Variants in RABGEF1 observed in about 807,000 individuals in gnomAD.
The protein encoded by RABGEF1 is RAB guanine nucleotide exchange factor 1.
Under a neutral mutation model 57.3 loss-of-function variants are expected in RABGEF1, and 26 were observed. The ratio of observed to expected loss-of-function variants is 0.45; its 90% CI spans 0.33 to 0.63. RABGEF1 has a LOEUF of 0.63. Among genes scored for constraint, RABGEF1 ranks in the 20% least tolerant of loss-of-function variants. The probability of loss-of-function intolerance (pLI) is 0.02; values close to 1 mark genes in which losing one functional copy is unlikely to be tolerated. For missense variants in RABGEF1, 464 were observed against 607.6 expected (o/e 0.76, Z 2.48); for synonymous variants, 185 against 210.7 (o/e 0.88, Z 1.06).
chr7:66,745,969 A>C (rs985689215), intron 1 of RABGEF1, among the ~76,000 whole-genome samples: 2 of 152,090 alleles, frequency 1.3e-5, no homozygotes, highest in Non-Finnish European at 2.9e-5. Flanking sequence ...CTATAAAAAG[A>C]AGTTTCATAG....
At position 66,805,351 on chromosome 7, in the gene RABGEF1, A is replaced by G; in HGVS notation, c.1032A>G (p.Pro344=). 2 of 1,614,182 alleles carry G rather than the reference A, an allele frequency of 1.2e-6. No individual in the cohort carries two copies. Among genetic ancestry groups the G allele is most frequent in the Non-Finnish European group, 1.7e-6 (2 of 1,180,032 alleles). The change falls in exon 8 of 9, where the codon CCA becomes CCG. Residue 344 remains proline, a synonymous_variant. Transcript: ENST00000284957. ...NIQYITRFCN[P]SRLMTGEDGY... is the part of the protein sequence containing the mutation. Reference sequence around the variant, plus strand: ...AGTATATCACGCGCTTCTGCAATCCAAGCCGACTGATGACTGGAGAGGATG... The same window carrying G: ...AGTATATCACGCGCTTCTGCAATCCGAGCCGACTGATGACTGGAGAGGATG...
chr7:66,753,711 T>TTTG (rs1802006449), intron 1 of RABGEF1, among the ~76,000 whole-genome samples: 1 of 142,648 alleles, frequency 7.0e-6, no homozygotes, highest in African/African-American at 2.6e-5. Flanking sequence ...GTTTTTTTTT[T>TTTG]TTTTTTTTTT....
chr7:66,783,011 G>A lies in RABGEF1; in HGVS notation c.347-664G>A, dbSNP rs1436743296. 2.6e-5 allele frequency among the ~76,000 whole-genome samples: 4 copies of A among 152,128 alleles called. No individual in the cohort carries two copies. In the East Asian group the frequency reaches 5.8e-4, roughly 22 times the overall value. ...GTAAATGTCCCATTTTCCTTTCAGTGTGTTTATTTGAAGAGGGGAAAGAAT... is the reference window on the plus strand; with the variant it reads ...GTAAATGTCCCATTTTCCTTTCAGTATGTTTATTTGAAGAGGGGAAAGAAT... On this transcript the variant is annotated intron_variant, in intron 3 of 8. Transcript: ENST00000284957.
intron 1 of RABGEF1, among the ~76,000 whole-genome samples, chr7:66,687,113 C>CT (rs71526570): frequency 0.013 from 1,329 of 103,706 alleles, 20 homozygotes; most frequent in African/African-American, 0.02. Context: ...CCACGCCCGG[C>CT]TTTTTTTTTT....
intron 1 of RABGEF1, among the ~76,000 whole-genome samples, chr7:66,760,378 A>G (rs960973466): frequency 2.9e-4 from 44 of 151,188 alleles, no homozygotes; most frequent in Non-Finnish European, 5.6e-4. Flanking sequence ...TTGTGTGGTC[A>G]TGCCCCAGTT....
chr7:66,706,270 G>A (rs1001814674), intron 1 of RABGEF1, among the ~76,000 whole-genome samples: 1 of 151,964 alleles, frequency 6.6e-6, no homozygotes, highest in African/African-American at 2.4e-5. Flanking sequence ...AAATAAAACT[G>A]ATATGAACAT....
At chr7:66,795,705 G>A (rs1813867243) in intron 5 of RABGEF1, 113 bp downstream of exon 5, 2 of 958,354 alleles carry the variant, frequency 2.1e-6, no homozygotes, top group Non-Finnish European at 3.4e-6. Context: ...ACTTCATCCT[G>A]TAACCTCATG....
chr7:66,666,793 G>A, the RABGEF1 span, among the ~76,000 whole-genome samples: 6 of 152,308 alleles, frequency 3.9e-5, no homozygotes, highest in Admixed American at 6.5e-5. Context: ...CCTCCCATCC[G>A]GCCCTGGAGA....
intron 3 of RABGEF1, among the ~76,000 whole-genome samples, chr7:66,777,757 C>T (rs948697575): frequency 2.0e-5 from 3 of 152,092 alleles, no homozygotes; most frequent in Admixed American, 6.5e-5. Flanking sequence ...TGTGCCACTG[C>T]ACTCCAGCCT....
chr7:66,726,680 T>A (rs1326727861), intron 2 of RABGEF1, among the ~76,000 whole-genome samples: 1 of 151,004 alleles, frequency 6.6e-6, no homozygotes, highest in Non-Finnish European at 1.5e-5. Flanking sequence ...AAAGCAGAGG[T>A]TTTGTTTTCA....
intron 2 of RABGEF1, among the ~76,000 whole-genome samples, chr7:66,717,306 G>A (rs1445472358): frequency 3.3e-5 from 5 of 152,126 alleles, no homozygotes; most frequent in African/African-American, 1.2e-4. Flanking sequence ...TGGCTATCAT[G>A]TAGGTTCCTT....
chr7:66,730,033 A>C (rs1797123636), intron 2 of RABGEF1, among the ~76,000 whole-genome samples: 1 of 152,256 alleles, frequency 6.6e-6, no homozygotes. Flanking sequence ...AGCTGAAAGC[A>C]AAATCAGTGT....
intron 2 of RABGEF1, among the ~76,000 whole-genome samples, chr7:66,717,106 T>A (rs1033826174): frequency 6.6e-6 from 1 of 152,264 alleles, no homozygotes; most frequent in Non-Finnish European, 1.5e-5. Context: ...CCTCACTGTT[T>A]CCTTTCCTGC....
chr7:66,779,302 G>C (rs1216029545), intron 3 of RABGEF1, among the ~76,000 whole-genome samples: 1 of 151,930 alleles, frequency 6.6e-6, no homozygotes, highest in Non-Finnish European at 1.5e-5. Context: ...TCGGGAGTTC[G>C]AGACCAGACT....
chr7:66,805,059 T>C, intron 7 of RABGEF1, 81 bp from the exon 8 acceptor site: 1 of 1,451,722 alleles, frequency 6.9e-7, no homozygotes, highest in Admixed American at 1.8e-5. Context: ...TTCATAACTT[T>C]AGAGATAAAA....
chr7:66,754,892 A>G (rs1802336790), intron 1 of RABGEF1, among the ~76,000 whole-genome samples: 1 of 151,990 alleles, frequency 6.6e-6, no homozygotes, highest in Non-Finnish European at 1.5e-5. Context: ...AAAAGTTCTG[A>G]GCTGAGTGCA....
At chr7:66,658,312 C>T in the RABGEF1 span, among the ~76,000 whole-genome samples, 1 of 152,116 alleles carries the variant, frequency 6.6e-6, no homozygotes, top group Non-Finnish European at 1.5e-5. Flanking sequence ...GTAGGCGGAT[C>T]ACCTGAGATC....
At chr7:66,707,878 TA>T (rs1361352376) in intron 1 of RABGEF1, among the ~76,000 whole-genome samples, 2 of 152,196 alleles carry the variant, frequency 1.3e-5, no homozygotes, top group African/African-American at 4.8e-5. Context: ...TTGTCTCTAG[TA>T]ACATTTTTTT....
the RABGEF1 span, among the ~76,000 whole-genome samples, chr7:66,663,619 A>G: frequency 6.6e-6 from 1 of 151,218 alleles, no homozygotes; most frequent in African/African-American, 2.4e-5. Context: ...GAGGGATAGC[A>G]TTGGGAGATA....
Sources: gnomAD v4.1 joint callset for allele counts (sites outside exome capture counted in the v4.1 genomes callset) on GRCh38, gnomAD v4.1.1 for gene constraint, MANE v1.5 for transcripts, NCBI Gene and HGNC (gene_info 2026-07-23, HGNC 2026-07-21) for gene names.